Variants in SLA observed in about 807,000 individuals in gnomAD.
SLA encodes src-like-adapter.
In SLA, 16 loss-of-function variants were observed where a neutral mutation model predicts 30.3. The ratio of observed to expected loss-of-function variants is 0.53; its 90% CI spans 0.36 to 0.80. The LOEUF is 0.80. Ranked by LOEUF, SLA falls within the 30% of genes least tolerant of loss-of-function variation. The pLI is 0.01. For synonymous variants in SLA, 143 were observed against 137.8 expected (o/e 1.04, Z -0.26); for missense variants, 310 against 345.2 (o/e 0.90, Z 0.81).
intron 7 of SLA, among the ~76,000 whole-genome samples, chr8:133,044,072 A>G (rs1838834272): frequency 6.6e-6 from 1 of 152,210 alleles, no homozygotes; most frequent in Non-Finnish European, 1.5e-5. Flanking sequence ...TCTGCCTGGC[A>G]TAGATGAAGA....
rs562377138 is a variant in SLA, at chr8:133,060,220, C to A, written c.-40-20G>T. On this transcript the variant is annotated intron_variant, in intron 2 of 8. Coordinates refer to ENST00000338087, the MANE Select transcript of SLA (RefSeq NM_001045556.3). ...CAGAGCCTGTGGTATAGGAGACAGA[C>A]GGGGAAAGTCAACCGTGCCCTGAGC... The A allele has an allele frequency of 1.9e-6, 3 of 1,612,906 alleles. No individual in the cohort carries two copies. The Admixed American group carries it at 5.0e-5, about 27-fold the overall frequency.
chr8:133,086,804 A>G (rs974446681), intron 1 of SLA, among the ~76,000 whole-genome samples: 1 of 152,200 alleles, frequency 6.6e-6, no homozygotes, highest in Non-Finnish European at 1.5e-5. Context: ...TTCCTTACAG[A>G]TGAAGAAAGT....
chr8:133,041,718 A>T (rs16904807), intron 7 of SLA, among the ~76,000 whole-genome samples: 22,843 of 151,138 alleles, frequency 0.15, 2,456 homozygotes, highest in East Asian at 0.47. Flanking sequence ...AGCACATAAC[A>T]TGAGCCCAGC....
chr8:133,058,070 A>G (rs1203186820), intron 3 of SLA, among the ~76,000 whole-genome samples: 18 of 152,244 alleles, frequency 1.2e-4, no homozygotes, highest in Admixed American at 1.1e-3. Flanking sequence ...ATGAGCAGCC[A>G]TAGGAGCTTG....
rs1837189998 is a variant in SLA at position 133,036,778 on chromosome 8, T to C, written c.*1746A>G. On this transcript the variant is annotated 3_prime_UTR_variant, in exon 9 of 9. Transcript: ENST00000338087. ...TTTGTTTTAATCAGGAATAAATACATGATTTAGCAAAGTGTAATGCTTCCC... is the reference window on the plus strand; with the variant it reads ...TTTGTTTTAATCAGGAATAAATACACGATTTAGCAAAGTGTAATGCTTCCC... 6.6e-6 allele frequency: 1 copy of C among 152,656 alleles called. No homozygotes were observed. Among genetic ancestry groups the C allele is most frequent in the South Asian group, 2.1e-4 (1 of 4,834 alleles). The allele number at this position is 152,656 out of a possible 1,614,324, so 9.5% of individuals were successfully genotyped here.
chr8:133,093,287 C>G (rs1435946510), intron 1 of SLA, among the ~76,000 whole-genome samples: 1 of 152,122 alleles, frequency 6.6e-6, no homozygotes, highest in African/African-American at 2.4e-5. Flanking sequence ...AATTCCAGGC[C>G]TTGGCCTGGC....
intron 2 of SLA, among the ~76,000 whole-genome samples, chr8:133,069,807 C>A (rs531711649): frequency 6.6e-6 from 1 of 151,806 alleles, no homozygotes; most frequent in Non-Finnish European, 1.5e-5. Context: ...TCAAGACCAG[C>A]CCGGCCAACA....
chr8:133,086,883 G>C (rs556161629), intron 1 of SLA, among the ~76,000 whole-genome samples: 33 of 152,128 alleles, frequency 2.2e-4, no homozygotes, highest in Non-Finnish European at 4.0e-4. Flanking sequence ...ATTGCCTGCA[G>C]GTGCCCCTAA....
chr8:133,094,242 CT>C (rs765931953), intron 1 of SLA, among the ~76,000 whole-genome samples: 58,969 of 126,222 alleles, frequency 0.47, 12,990 homozygotes, highest in African/African-American at 0.52. Context: ...CTGTCGTTTT[CT>C]TTTTTTTTTT....
chr8:133,059,868 A>G (rs1564133552), intron 3 of SLA, among the ~76,000 whole-genome samples: 1 of 152,238 alleles, frequency 6.6e-6, no homozygotes, highest in Non-Finnish European at 1.5e-5. Context: ...TTGGAGATCC[A>G]TCTCAAAATG....
intron 3 of SLA, among the ~76,000 whole-genome samples, chr8:133,055,824 CCAGCAGCAGCAGCAGCAGCAGCAG>C (rs36210010): frequency 0.26 from 39,890 of 150,560 alleles, 5,403 homozygotes; most frequent in Non-Finnish European, 0.27. Context: ...CTCCTCATCA[CCAGCAGCAGCAGCAGCAGCAGCAG>C]CAGCAGCAGC....
At chr8:133,071,464 CTT>C (rs1844018907) in intron 2 of SLA, among the ~76,000 whole-genome samples, 1 of 152,260 alleles carries the variant, frequency 6.6e-6, no homozygotes, top group Non-Finnish European at 1.5e-5. Context: ...TTATGGTACT[CTT>C]TTGTGTGCTA....
At position 133,102,090 on chromosome 8, in the gene SLA, G is replaced by T. The variant is rs191625626; in HGVS notation, c.-319+463C>A. Among the ~76,000 whole-genome samples, 14 of 152,262 alleles carry T rather than the reference G, an allele frequency of 9.2e-5. No homozygotes were observed. The East Asian group carries it at 2.5e-3, about 27-fold the overall frequency. On this transcript the variant is annotated intron_variant, in intron 1 of 8. Transcript: ENST00000338087. The stretch of plus-strand genomic sequence containing the variant: ...AATAGTTTGGCTTCAATAAATGTTC[G>T]TTCTTTTCCCTTAATTTTTTAATTT...
At chr8:133,096,419 A>G in intron 1 of SLA, 1 of 1,611,066 alleles carries the variant, frequency 6.2e-7, no homozygotes, top group Non-Finnish European at 8.5e-7. Context: ...GGCATTTCCT[A>G]AGGGCTCTGG....
In SLA at chr8:133,040,594, C is replaced by T. The variant is rs760630396; in HGVS notation, c.485-464G>A. On this transcript the variant is annotated intron_variant, in intron 7 of 8. Transcript: ENST00000338087. ...ATGGGGCTGCATACAGCGCTGATCC[C>T]CCCAGTTGTGCATTTACAATGGAAC... Among the ~76,000 whole-genome samples, 26 of 152,060 alleles carry T rather than the reference C, an allele frequency of 1.7e-4. 1 individual carries two copies. Among genetic ancestry groups the T allele is most frequent in the Non-Finnish European group, 3.8e-4 (26 of 68,022 alleles).
chr8:133,043,050 T>C (rs1838615873), intron 7 of SLA, among the ~76,000 whole-genome samples: 1 of 152,126 alleles, frequency 6.6e-6, no homozygotes, highest in South Asian at 2.1e-4. Context: ...TGGCTCCCAC[T>C]TGGAGATTCT....
intron 2 of SLA, chr8:133,072,819 C>A (rs967989953): frequency 9.4e-5 from 14 of 149,094 alleles, no homozygotes; most frequent in Admixed American, 4.0e-4. Flanking sequence ...TAGTTTGCTG[C>A]AATGCAAACC....
At chr8:133,060,472 T>C in intron 2 of SLA, 1 of 1,041,514 alleles carries the variant, frequency 9.6e-7, no homozygotes. Context: ...GCACCCTTGC[T>C]GAGGATGGTA....
intron 1 of SLA, among the ~76,000 whole-genome samples, chr8:133,075,637 T>C (rs1844757611): frequency 6.6e-6 from 1 of 152,166 alleles, no homozygotes; most frequent in African/African-American, 2.4e-5. Flanking sequence ...GACGGCTATA[T>C]CTTTCAAAGA....
Sources: allele counts gnomAD v4.1 joint callset (sites outside exome capture counted in the v4.1 genomes callset), GRCh38; gene constraint gnomAD v4.1.1; transcripts MANE v1.5; gene names NCBI Gene and HGNC (gene_info 2026-07-23, HGNC 2026-07-21).